Variants in HSPG2 observed in about 807,000 individuals in gnomAD.
HSPG2 encodes the protein basement membrane-specific heparan sulfate proteoglycan core protein.
A neutral mutation model predicts 526.6 loss-of-function variants in HSPG2; 278 were observed. The observed-to-expected ratio is 0.53, with a 90% CI of 0.48 to 0.58. The LOEUF (loss-of-function observed/expected upper bound fraction) is 0.58. Ranked by LOEUF, HSPG2 falls within the 20% of genes least tolerant of loss-of-function variation. HSPG2 has a pLI of 0.00. For synonymous variants in HSPG2, 2,465 were observed against 2,555.4 expected (o/e 0.96, Z 1.07); for missense variants, 5,354 against 6,099.5 (o/e 0.88, Z 4.07).
chr1:21,919,802 A>T (rs182912236), intron 1 of HSPG2, among the ~76,000 whole-genome samples: 3 of 152,360 alleles, frequency 2.0e-5, no homozygotes, highest in Admixed American at 2.0e-4. Flanking sequence ...CCTCGGAGTT[A>T]TAAGAACATA....
chr1:21,865,086 T>C lies in HSPG2; in HGVS notation c.4396-13A>G. 6.4e-7 allele frequency: 1 copy of C among 1,557,356 alleles called. No homozygotes were observed. Among genetic ancestry groups the C allele is most frequent in the Non-Finnish European group, 8.7e-7 (1 of 1,153,504 alleles). On this transcript the variant is annotated splice_polypyrimidine_tract_variant and intron_variant, in intron 35 of 96. Transcript: ENST00000374695. The surrounding 1 kb of genome is among the most constrained non-coding windows in gnomAD (Gnocchi z 5.4). ...GGCGCCAGAATTCCTGGGTTGGGGG[T>C]GGCAACGTGGGCGGGGGCAGTGGGC...
chr1:21,869,846 G>A (rs760697214), intron 33 of HSPG2, among the ~76,000 whole-genome samples: 8 of 152,356 alleles, frequency 5.3e-5, no homozygotes, highest in South Asian at 2.1e-4. Flanking sequence ...TGAGCTAGGC[G>A]GGGATATCCC....
At chr1:21,915,874 A>C (rs1457275203) in intron 1 of HSPG2, among the ~76,000 whole-genome samples, 6 of 150,652 alleles carry the variant, frequency 4.0e-5, no homozygotes, top group African/African-American at 1.2e-4. Context: ...ACATGGTAAA[A>C]CCACATCTCT....
intron 57 of HSPG2, 72 bp downstream of exon 57, chr1:21,849,969 C>A: frequency 1.9e-6 from 3 of 1,589,840 alleles, no homozygotes; most frequent in Non-Finnish European, 2.6e-6. Context: ...TGAGCCACTG[C>A]GCCCGGTCAA....
intron 1 of HSPG2, among the ~76,000 whole-genome samples, chr1:21,919,209 T>G (rs923007782): frequency 1.3e-5 from 2 of 152,198 alleles, no homozygotes; most frequent in African/African-American, 4.8e-5. Context: ...GCGGATCACT[T>G]GAGGTCGGGA....
Position 21,839,696 on chromosome 1 carries a change from A to G in HSPG2, c.9709+126T>C, listed in dbSNP as rs2152703657. On this transcript the variant is annotated intron_variant, in intron 72 of 96. Coordinates refer to ENST00000374695, the MANE Select transcript of HSPG2 (RefSeq NM_005529.7). The surrounding 1 kb of genome is among the most constrained non-coding windows in gnomAD (Gnocchi z 4.5). ...TCCTCGGCCATCACTGGGGGATGCTAGCAACACGGTCTCCCCGTACTCCCC... is the reference window on the plus strand; with the variant it reads ...TCCTCGGCCATCACTGGGGGATGCTGGCAACACGGTCTCCCCGTACTCCCC... 1 of 1,369,520 alleles carries G rather than the reference A, an allele frequency of 7.3e-7. No individual in the cohort carries two copies. The highest frequency in any genetic ancestry group is 2.5e-5 in the East Asian group (1 of 40,688). The allele number at this position is 1,369,520 out of a possible 1,614,324, so 84.8% of individuals were successfully genotyped here. A position where few individuals can be genotyped will look rare whatever the true frequency, so the allele number is the denominator to read the frequency against.
At position 21,863,070 on chromosome 1, in the gene HSPG2, A is replaced by C. The variant is rs865920746; in HGVS notation, c.4741-955T>G. Among the ~76,000 whole-genome samples, 309 of 134,176 alleles carry C rather than the reference A, an allele frequency of 2.3e-3. 9 individuals are homozygous for C. Among genetic ancestry groups the C allele is most frequent in the African/African-American group, 7.9e-3 (274 of 34,594 alleles). The allele number at this position is 134,176 out of a possible 152,430, so 88.0% of individuals were successfully genotyped here. A position where few individuals can be genotyped will look rare whatever the true frequency, so the allele number is the denominator to read the frequency against. On this transcript the variant is annotated intron_variant, in intron 37 of 96. Transcript: ENST00000374695. ...AGCGAGACTCCATCTCAAAAAAAAAAAAAAAAAAAAAAAAAAAAGAGGCTG... is the reference window on the plus strand; with the variant it reads ...AGCGAGACTCCATCTCAAAAAAAAACAAAAAAAAAAAAAAAAAAGAGGCTG...
chr1:21,854,359 C>T lies in HSPG2; in HGVS notation c.6289-16G>A, dbSNP rs1237097948. 2 of 1,561,708 alleles carry T rather than the reference C, an allele frequency of 1.3e-6. No individual in the cohort carries two copies. Among genetic ancestry groups the T allele is most frequent in the African/African-American group, 2.7e-5 (2 of 74,212 alleles). The stretch of plus-strand genomic sequence containing the variant: ...AGCCGTGCACCTGGGCCAGGAGGAG[C>T]CAGAGGTACGTGAGGACAGGGACGG... On this transcript the variant is annotated splice_polypyrimidine_tract_variant and intron_variant, in intron 49 of 96. Coordinates refer to ENST00000374695, the MANE Select transcript of HSPG2 (RefSeq NM_005529.7).
intron 1 of HSPG2, among the ~76,000 whole-genome samples, chr1:21,907,930 T>G (rs556237217): frequency 6.6e-6 from 1 of 152,352 alleles, no homozygotes; most frequent in Admixed American, 6.5e-5. Context: ...CGTTTCCTCA[T>G]GTGTAAAATG....
Position 21,858,146 on chromosome 1 carries a change from C to CA in HSPG2, c.5294-762dup, listed in dbSNP as rs1472023302. On this transcript the variant is annotated intron_variant, in intron 42 of 96. Transcript: ENST00000374695. The surrounding 1 kb of genome is among the most constrained non-coding windows in gnomAD (Gnocchi z 4.2). The stretch of plus-strand genomic sequence containing the variant: ...TGTCCACACTCGCTGCCTTCCCACC[C>CA]ATGTGTCGCCTCCTTCCAATCTGGT... Among the ~76,000 whole-genome samples, 2 of 152,116 alleles carry CA rather than the reference C, an allele frequency of 1.3e-5. No individual in the cohort carries two copies. The highest frequency in any genetic ancestry group is 4.8e-5 in the African/African-American group (2 of 41,340).
intron 39 of HSPG2, among the ~76,000 whole-genome samples, chr1:21,861,429 C>G (rs765643877): frequency 1.3e-5 from 2 of 151,620 alleles, no homozygotes; most frequent in Non-Finnish European, 2.9e-5. Flanking sequence ...AGGAGGACTG[C>G]TTGAGCCCAG....
At chr1:21,869,808 C>T (rs1054390545) in intron 33 of HSPG2, 7 of 843,876 alleles carry the variant, frequency 8.3e-6, no homozygotes, top group Non-Finnish European at 8.6e-6. Flanking sequence ...CACTCTGGCC[C>T]TTGTACCCAC....
intron 1 of HSPG2, among the ~76,000 whole-genome samples, chr1:21,909,868 A>G (rs572542821): frequency 1.9e-3 from 288 of 152,368 alleles, no homozygotes; most frequent in African/African-American, 6.9e-3. Flanking sequence ...CAATGCACAC[A>G]TACCTCTGGT....
intron 62 of HSPG2, 79 bp from the exon 63 acceptor site, chr1:21,846,678 A>C: frequency 1.3e-6 from 2 of 1,504,694 alleles, no homozygotes; most frequent in Non-Finnish European, 1.8e-6. Context: ...TCTGCCATAG[A>C]AAATCTCACC....
Position 21,828,782 on chromosome 1 carries a change from C to A in HSPG2, c.12237+53G>T. ...AAGGTGCTTGGAGAGCCGAGGGGGACACAAGGCTTGGCACCCCTCCCCTCC... is the reference window on the plus strand; with the variant it reads ...AAGGTGCTTGGAGAGCCGAGGGGGAAACAAGGCTTGGCACCCCTCCCCTCC... On this transcript the variant is annotated intron_variant, in intron 88 of 96. Coordinates refer to ENST00000374695, the MANE Select transcript of HSPG2 (RefSeq NM_005529.7). This position sits in a 1 kb window ranked among gnomAD's most constrained non-coding sequence, Gnocchi z 6.0. 1.9e-6 allele frequency: 3 copies of A among 1,549,442 alleles called. No individual in the cohort carries two copies. Among genetic ancestry groups the A allele is most frequent in the Non-Finnish European group, 2.6e-6 (3 of 1,146,768 alleles).
intron 1 of HSPG2, among the ~76,000 whole-genome samples, chr1:21,933,305 T>C (rs577959073): frequency 1.7e-3 from 251 of 151,844 alleles, no homozygotes; most frequent in Non-Finnish European, 2.7e-3. Flanking sequence ...AGGCCGGGTG[T>C]TGCAGGGCCT....
chr1:21,825,226 CAT>C (rs2097967237), intron 91 of HSPG2: 1 of 207,408 alleles, frequency 4.8e-6, no homozygotes, highest in South Asian at 8.6e-5. Flanking sequence ...AAACTTAAAA[CAT>C]GTTTTGATTA....
At chr1:21,910,064 T>C (rs1454403303) in intron 1 of HSPG2, among the ~76,000 whole-genome samples, 2 of 152,130 alleles carry the variant, frequency 1.3e-5, no homozygotes, top group Non-Finnish European at 2.9e-5. Context: ...CCGCACCATA[T>C]AGGGAAGTGC....
chr1:21,855,694 GT>G lies in HSPG2; in HGVS notation c.5702-20del. On this transcript the variant is annotated intron_variant, in intron 45 of 96. Coordinates refer to ENST00000374695, the MANE Select transcript of HSPG2 (RefSeq NM_005529.7). ...GGGCCCCCTGACGAGTAGACGTGGG[GT>G]CAGCACCCACCAAGCCTGCTCAGAG... 1 of 1,585,042 alleles carries G rather than the reference GT, an allele frequency of 6.3e-7. No homozygotes were observed. The highest frequency in any genetic ancestry group is 8.6e-7 in the Non-Finnish European group (1 of 1,167,846).
Sources: allele counts gnomAD v4.1 joint callset (sites outside exome capture counted in the v4.1 genomes callset), GRCh38; gene constraint gnomAD v4.1.1; non-coding constraint Gnocchi (gnomAD v3.1); transcripts MANE v1.5; gene names NCBI Gene and HGNC (gene_info 2026-07-23, HGNC 2026-07-21).